ADAM22: variants seen among roughly 807,000 people sequenced by gnomAD.
ADAM22 encodes the protein ADAM metallopeptidase domain 22.
A neutral mutation model predicts 144.6 loss-of-function variants in ADAM22; 65 were observed. The observed-to-expected ratio is 0.45, with a 90% CI of 0.37 to 0.55. ADAM22 has a LOEUF of 0.55. Ranked by LOEUF, ADAM22 falls within the 20% of genes least tolerant of loss-of-function variation. The pLI is 0.00. For synonymous variants in ADAM22, 391 were observed against 412.6 expected (o/e 0.95, Z 0.63); for missense variants, 974 against 1,184.9 (o/e 0.82, Z 2.61).
intron 2 of ADAM22, among the ~76,000 whole-genome samples, chr7:87,965,511 T>C (rs1848862282): frequency 6.6e-6 from 1 of 152,210 alleles, no homozygotes; most frequent in African/African-American, 2.4e-5. Context: ...AAAAGGCCTT[T>C]ATACACCATG....
chr7:88,116,996 G>A (rs1181544976), intron 7 of ADAM22, among the ~76,000 whole-genome samples, 182 bp downstream of exon 7: 1 of 152,086 alleles, frequency 6.6e-6, no homozygotes. Context: ...AGATGAGTTT[G>A]GAAAGATGTG....
chr7:87,984,097 T>A (rs1342660052), intron 3 of ADAM22, among the ~76,000 whole-genome samples: 1 of 152,218 alleles, frequency 6.6e-6, no homozygotes, highest in East Asian at 1.9e-4. Flanking sequence ...TAAAGTAGAA[T>A]TACAATTCCT....
intron 3 of ADAM22, among the ~76,000 whole-genome samples, chr7:88,059,548 G>A (rs1809180717): frequency 6.6e-6 from 1 of 152,150 alleles, no homozygotes; most frequent in Non-Finnish European, 1.5e-5. Flanking sequence ...TAAAAGTTAT[G>A]TTCAGACACC....
At chr7:88,145,735 G>A (rs531164990) in intron 17 of ADAM22, among the ~76,000 whole-genome samples, 1 of 152,138 alleles carries the variant, frequency 6.6e-6, no homozygotes, top group East Asian at 1.9e-4. Context: ...TAAGTAGTTT[G>A]CCCAAGGTCT....
intron 26 of ADAM22, among the ~76,000 whole-genome samples, chr7:88,175,650 T>C (rs190232119): frequency 2.6e-5 from 4 of 152,298 alleles, no homozygotes. Flanking sequence ...CATTATAAAA[T>C]TTAGCACTAA....
At chr7:88,134,928 G>T (rs1370466223) in intron 13 of ADAM22, among the ~76,000 whole-genome samples, 1 of 151,770 alleles carries the variant, frequency 6.6e-6, no homozygotes, top group Non-Finnish European at 1.5e-5. Context: ...TACCCTGAAT[G>T]GTCAAATACT....
At chr7:88,144,293 G>C (rs1045664456) in intron 15 of ADAM22, among the ~76,000 whole-genome samples, 17 of 152,060 alleles carry the variant, frequency 1.1e-4, no homozygotes, top group African/African-American at 4.1e-4. Context: ...ATGAATATTA[G>C]GTATCTGGCA....
chr7:88,075,123 A>G (rs910761612), intron 3 of ADAM22, among the ~76,000 whole-genome samples: 2 of 152,260 alleles, frequency 1.3e-5, no homozygotes, highest in Admixed American at 6.5e-5. Context: ...ATTTCAAAAA[A>G]GAATAATTTT....
chr7:88,085,793 C>T (rs930064995), intron 4 of ADAM22, among the ~76,000 whole-genome samples: 7 of 152,208 alleles, frequency 4.6e-5, no homozygotes, highest in Non-Finnish European at 7.3e-5. Flanking sequence ...ACTATCCTGA[C>T]TTTTATCATA....
chr7:88,009,447 T>A (rs992533506), intron 3 of ADAM22, among the ~76,000 whole-genome samples: 1 of 152,206 alleles, frequency 6.6e-6, no homozygotes, highest in Non-Finnish European at 1.5e-5. Flanking sequence ...TTATTTTAGT[T>A]GTTTAATGAA....
chr7:87,984,812 C>G (rs1390254025), intron 3 of ADAM22, among the ~76,000 whole-genome samples: 1 of 152,002 alleles, frequency 6.6e-6, no homozygotes, highest in African/African-American at 2.4e-5. Context: ...TCCTGAGTAG[C>G]TGGGACTACA....
intron 2 of ADAM22, among the ~76,000 whole-genome samples, chr7:87,968,008 A>T (rs1042263217): frequency 6.6e-6 from 1 of 152,166 alleles, no homozygotes; most frequent in Admixed American, 6.5e-5. Context: ...GGTTGAACTC[A>T]ACACCAAAAT....
chr7:88,045,816 A>G (rs1327554020), intron 3 of ADAM22, among the ~76,000 whole-genome samples: 3 of 149,312 alleles, frequency 2.0e-5, no homozygotes, highest in African/African-American at 7.4e-5. Flanking sequence ...TTCATTTATA[A>G]TGTCCTCCAG....
chr7:87,958,684 G>A (rs1584612607), intron 2 of ADAM22, among the ~76,000 whole-genome samples: 1 of 151,944 alleles, frequency 6.6e-6, no homozygotes, highest in African/African-American at 2.4e-5. Flanking sequence ...GTGCCCGGCC[G>A]ACTTTAAAGT....
At chr7:88,126,923 T>TG (rs1830567465) in intron 8 of ADAM22, among the ~76,000 whole-genome samples, 1 of 151,904 alleles carries the variant, frequency 6.6e-6, no homozygotes, top group Non-Finnish European at 1.5e-5. Context: ...AGGGTGACTC[T>TG]GTGGTAGAGC....
chr7:87,940,114 G>A (rs966855688), intron 2 of ADAM22, among the ~76,000 whole-genome samples: 3 of 150,724 alleles, frequency 2.0e-5, no homozygotes, highest in African/African-American at 7.3e-5. Context: ...CCTGGGAGGC[G>A]GAGGTTGCAG....
chr7:88,193,695 C>T (rs961257428), intron 31 of ADAM22, among the ~76,000 whole-genome samples: 6 of 152,150 alleles, frequency 3.9e-5, no homozygotes, highest in Non-Finnish European at 8.8e-5. Context: ...GATGTCCAGG[C>T]TCTGTTGTGG....
At chr7:88,044,143 A>G (rs1056838496) in intron 3 of ADAM22, among the ~76,000 whole-genome samples, 13 of 152,236 alleles carry the variant, frequency 8.5e-5, no homozygotes, top group African/African-American at 2.9e-4. Context: ...TAGTCAAATA[A>G]TAGCCCTTGA....
chr7:88,127,720 T>C (rs532362672), intron 8 of ADAM22, among the ~76,000 whole-genome samples: 28 of 152,140 alleles, frequency 1.8e-4, no homozygotes, highest in African/African-American at 6.5e-4. Flanking sequence ...TTTGATTGTA[T>C]ACCCTTATCG....
Sources: gnomAD v4.1 joint callset for allele counts (sites outside exome capture counted in the v4.1 genomes callset) on GRCh38, gnomAD v4.1.1 for gene constraint, MANE v1.5 for transcripts, NCBI Gene and HGNC (gene_info 2026-07-23, HGNC 2026-07-21) for gene names.